The following DCHS2 variants were observed in gnomAD, a reference collection of about 807,000 sequenced individuals.
DCHS2 encodes dachsous cadherin-related 2, also known as protocadherin-23.
A neutral mutation model predicts 182.4 loss-of-function variants in DCHS2; 142 were observed. The observed-to-expected ratio is 0.78, with a 90% CI of 0.68 to 0.89. DCHS2 has a LOEUF of 0.89. DCHS2 is among the 40% of genes least tolerant of loss of function. The pLI, the probability that DCHS2 is intolerant of heterozygous loss-of-function variation, is 0.00. For synonymous variants in DCHS2, 1,740 were observed against 1,663.3 expected (o/e 1.05, Z -1.12); for missense variants, 4,319 against 4,198.6 (o/e 1.03, Z -0.79).
At chr4:154,462,906 T>C (rs1253946538) in intron 1 of DCHS2, among the ~76,000 whole-genome samples, 2 of 152,068 alleles carry the variant, frequency 1.3e-5, no homozygotes, top group Non-Finnish European at 2.9e-5. Context: ...GCACAACTAA[T>C]ATGTATATGC....
intron 1 of DCHS2, among the ~76,000 whole-genome samples, chr4:154,429,686 A>T (rs1430827254): frequency 6.7e-6 from 1 of 150,042 alleles, no homozygotes; most frequent in Non-Finnish European, 1.5e-5. Flanking sequence ...TATCCTTCCC[A>T]TAAGTTTTTT....
chr4:154,363,204 A>C (rs572342550), intron 3 of DCHS2, among the ~76,000 whole-genome samples: 42 of 152,298 alleles, frequency 2.8e-4, no homozygotes, highest in Admixed American at 2.6e-3. Context: ...CAGAAAGTCT[A>C]CTTCTGAGTA....
At chr4:154,466,199 C>A (rs935728478) in intron 1 of DCHS2, among the ~76,000 whole-genome samples, 2 of 152,176 alleles carry the variant, frequency 1.3e-5, no homozygotes. Flanking sequence ...AGAGAACAAG[C>A]AAGACAAAAT....
At chr4:154,365,769 C>T (rs1265306359) in intron 3 of DCHS2, among the ~76,000 whole-genome samples, 1 of 152,010 alleles carries the variant, frequency 6.6e-6, no homozygotes, top group Non-Finnish European at 1.5e-5. Context: ...CTGCCTCAGC[C>T]TCCTGAGAAC....
rs369622458 is a variant in DCHS2 at position 154,377,230 on chromosome 4, A to T, written c.2244+23T>A. On this transcript the variant is annotated intron_variant, in intron 2 of 19. Transcript: ENST00000357232. ...GCTCACTTGTGATTATGTTTAAAAT[A>T]AACTTCATACATAAAAACTTACCCC... is the stretch of plus-strand genomic sequence containing the variant. 4 of 1,605,246 alleles carry T rather than the reference A, an allele frequency of 2.5e-6. No homozygotes were observed. The East Asian group carries it at 8.9e-5, about 36-fold the overall frequency.
intron 3 of DCHS2, chr4:154,343,583 C>T: frequency 6.5e-7 from 1 of 1,533,744 alleles, no homozygotes; most frequent in Non-Finnish European, 8.8e-7. Context: ...CCTTAAACCT[C>T]ATGAACCAAC....
rs767904791 is a variant in DCHS2 at position 154,235,347 on chromosome 4, G to T, written c.9305C>A (p.Ala3102Glu). ...SGHCSVEGET[A>E]EDKEIQRINE... is the part of the protein sequence containing the mutation. ...TATCCTCTGGATTTCCTTATCTTCT[G>T]CAGTTTCTCCTTCCACAGAACAGTG... Residue 3102 changes from alanine to glutamate, a missense_variant, in exon 20 of 20, where the codon GCA becomes GAA. Transcript: ENST00000357232. 7 of 1,614,004 alleles carry T rather than the reference G, an allele frequency of 4.3e-6. No homozygotes were observed. In the South Asian group the frequency reaches 7.7e-5, roughly 18 times the overall value.
chr4:154,233,801 A>G lies in DCHS2; in HGVS notation c.*735T>C, dbSNP rs1731306096. On this transcript the variant is annotated 3_prime_UTR_variant, in exon 20 of 20. Transcript: ENST00000357232. ...AACCACATAAATATTGCGAGTATCAATCCTGGCCCTCTATCAGGAACATGC... is the reference window on the plus strand; with the variant it reads ...AACCACATAAATATTGCGAGTATCAGTCCTGGCCCTCTATCAGGAACATGC... 1.3e-5 allele frequency: 2 copies of G among 152,192 alleles called. No homozygotes were observed. Among genetic ancestry groups the G allele is most frequent in the Non-Finnish European group, 2.9e-5 (2 of 68,022 alleles). 9.4% of individuals were successfully genotyped at this position (152,192 alleles called of 1,614,324 possible). A position where few individuals can be genotyped will look rare whatever the true frequency, so the allele number is the denominator to read the frequency against.
chr4:154,346,778 G>A (rs1421217983), intron 3 of DCHS2, among the ~76,000 whole-genome samples: 4 of 151,730 alleles, frequency 2.6e-5, no homozygotes, highest in East Asian at 1.9e-4. Context: ...GATACCCATC[G>A]AAAAGTCTAC....
intron 16 of DCHS2, among the ~76,000 whole-genome samples, chr4:154,246,507 C>A (rs537074101): frequency 3.3e-5 from 5 of 152,062 alleles, no homozygotes; most frequent in African/African-American, 1.2e-4. Context: ...TCACTTATAT[C>A]TAAGAATCAA....
chr4:154,270,035 A>T, intron 13 of DCHS2, 22 bp from the exon 14 acceptor site: 1 of 1,584,070 alleles, frequency 6.3e-7, no homozygotes, highest in Non-Finnish European at 8.5e-7. Flanking sequence ...AGGTAAAAAA[A>T]GAACTCCATT....
intron 15 of DCHS2, among the ~76,000 whole-genome samples, chr4:154,256,666 C>A (rs892614309): frequency 8.5e-5 from 13 of 152,244 alleles, no homozygotes; most frequent in Non-Finnish European, 1.6e-4. Context: ...TAATTAATTA[C>A]TTTTTACTTG....
chr4:154,331,058 C>G (rs1314955161), intron 5 of DCHS2, among the ~76,000 whole-genome samples: 1 of 152,040 alleles, frequency 6.6e-6, no homozygotes, highest in Non-Finnish European at 1.5e-5. Flanking sequence ...TAGGACTGTC[C>G]AGAGAACTGG....
chr4:154,331,001 G>T (rs1736497402), intron 5 of DCHS2, among the ~76,000 whole-genome samples: 1 of 152,088 alleles, frequency 6.6e-6, no homozygotes, highest in South Asian at 2.1e-4. Context: ...CTGGGGATGG[G>T]CGACACCAGG....
intron 8 of DCHS2, among the ~76,000 whole-genome samples, chr4:154,322,030 G>A (rs1461914769): frequency 6.6e-6 from 1 of 152,048 alleles, no homozygotes; most frequent in East Asian, 1.9e-4. Flanking sequence ...TTAGAAATAA[G>A]CACAAGAAAA....
intron 1 of DCHS2, among the ~76,000 whole-genome samples, chr4:154,488,516 T>C (rs941093768): frequency 2.0e-5 from 3 of 152,164 alleles, no homozygotes; most frequent in African/African-American, 7.2e-5. Flanking sequence ...CAAAACAGTG[T>C]CAGTGTATAA....
chr4:154,270,965 A>G (rs1733563162), intron 13 of DCHS2, among the ~76,000 whole-genome samples: 1 of 152,188 alleles, frequency 6.6e-6, no homozygotes, highest in Non-Finnish European at 1.5e-5. Context: ...AGCAGGGGCA[A>G]AGAGATAACT....
intron 16 of DCHS2, among the ~76,000 whole-genome samples, chr4:154,254,380 G>T (rs1732541763): frequency 6.6e-6 from 1 of 152,178 alleles, no homozygotes; most frequent in Non-Finnish European, 1.5e-5. Flanking sequence ...TCTCGTTACT[G>T]CCTTCACTTA....
intron 2 of DCHS2, chr4:154,374,171 G>T: frequency 2.0e-6 from 1 of 506,164 alleles, no homozygotes; most frequent in East Asian, 3.3e-5. Context: ...GCATTTGCAG[G>T]GGAGCTTGCT....
Sources: gnomAD v4.1 joint callset for allele counts (sites outside exome capture counted in the v4.1 genomes callset) on GRCh38, gnomAD v4.1.1 for gene constraint, MANE v1.5 for transcripts, NCBI Gene and HGNC (gene_info 2026-07-23, HGNC 2026-07-21) for gene names.